SNX27: variants seen among roughly 807,000 people sequenced by gnomAD.
SNX27 encodes sorting nexin-27.
A neutral mutation model predicts 71.6 loss-of-function variants in SNX27; 22 were observed. The observed-to-expected ratio is 0.31, with a 90% CI of 0.22 to 0.44. The LOEUF is 0.44. Ranked by LOEUF, SNX27 falls within the 20% of genes least tolerant of loss-of-function variation. The pLI is 1.00. For synonymous variants in SNX27, 269 were observed against 277.2 expected, an observed-to-expected ratio of 0.97 and a Z score of 0.29; for missense variants, 531 against 698.6, an observed-to-expected ratio of 0.76 and a Z score of 2.70.
Position 151,697,972 on chromosome 1 carries a change from T to G in SNX27, c.*3555T>G, listed in dbSNP as rs575234232. ...GAGAAACCTGTCCCTGCAGAAAGGTTCCCTTGGGCCATGCTTTGGGCCCTC... is the reference window on the plus strand; with the variant it reads ...GAGAAACCTGTCCCTGCAGAAAGGTGCCCTTGGGCCATGCTTTGGGCCCTC... On this transcript the variant is annotated 3_prime_UTR_variant, in exon 12 of 12. Coordinates refer to ENST00000458013, the MANE Select transcript of SNX27 (RefSeq NM_001330723.2). 46 of 152,304 alleles carry G rather than the reference T, an allele frequency of 3.0e-4. 1 individual carries two copies. The highest frequency in any genetic ancestry group is 1.1e-3 in the African/African-American group (46 of 41,552). 9.4% of individuals were successfully genotyped at this position (152,304 alleles called of 1,614,324 possible).
intron 7 of SNX27, among the ~76,000 whole-genome samples, chr1:151,674,272 T>A (rs1425896992): frequency 6.6e-6 from 1 of 152,226 alleles, no homozygotes; most frequent in East Asian, 1.9e-4. Context: ...TCTGTTATTT[T>A]AACCTGGTAA....
chr1:151,634,235 A>G (rs1668373220), intron 1 of SNX27, among the ~76,000 whole-genome samples: 1 of 152,202 alleles, frequency 6.6e-6, no homozygotes, highest in Non-Finnish European at 1.5e-5. Context: ...TTGCAGTTAT[A>G]GGAATTTATT....
intron 5 of SNX27, among the ~76,000 whole-genome samples, chr1:151,663,791 T>C (rs1156339263): frequency 6.6e-6 from 1 of 152,132 alleles, no homozygotes; most frequent in Non-Finnish European, 1.5e-5. Flanking sequence ...AACCAGTAGG[T>C]TTAGGTGGTG....
At chr1:151,617,633 A>C (rs2102591541) in intron 1 of SNX27, among the ~76,000 whole-genome samples, 1 of 152,328 alleles carries the variant, frequency 6.6e-6, no homozygotes, top group African/African-American at 2.4e-5. Flanking sequence ...GTGAGATAGG[A>C]AGATTATAAG....
At chr1:151,663,169 G>A (rs78945670) in intron 5 of SNX27, among the ~76,000 whole-genome samples, 1 of 98,072 alleles carries the variant, frequency 1.0e-5, no homozygotes, top group Non-Finnish European at 2.1e-5. Flanking sequence ...TTTTTTTTTT[G>A]AGACGGAGTC....
At chr1:151,625,135 C>T (rs1667863109) in intron 1 of SNX27, among the ~76,000 whole-genome samples, 1 of 152,170 alleles carries the variant, frequency 6.6e-6, no homozygotes, top group Non-Finnish European at 1.5e-5. Context: ...AGTTTCTCAG[C>T]TTTGCCAGGG....
At chr1:151,625,590 A>G (rs1040752192) in intron 1 of SNX27, among the ~76,000 whole-genome samples, 1 of 151,694 alleles carries the variant, frequency 6.6e-6, no homozygotes, top group Non-Finnish European at 1.5e-5. Context: ...TAATCTGAGC[A>G]CTATGGGAGG....
intron 2 of SNX27, among the ~76,000 whole-genome samples, chr1:151,641,641 A>T (rs1247828487): frequency 2.8e-5 from 3 of 106,786 alleles, no homozygotes; most frequent in African/African-American, 1.0e-4. Flanking sequence ...CATATGTATC[A>T]TATATATATC....
intron 1 of SNX27, among the ~76,000 whole-genome samples, chr1:151,633,929 G>A (rs1196348): frequency 0.93 from 142,063 of 151,996 alleles, 66,940 homozygotes; most frequent in Non-Finnish European, 0.99. Flanking sequence ...ATAAAGCTGC[G>A]GTGGACATTC....
At chr1:151,692,405 C>CA (rs1558078028) in intron 8 of SNX27, 30 bp from the exon 9 acceptor site, 4 of 1,261,140 alleles carry the variant, frequency 3.2e-6, no homozygotes, top group Non-Finnish European at 3.2e-6. Flanking sequence ...GTTTCTCCTT[C>CA]CTTTTTTTTT....
chr1:151,680,152 CT>C (rs11341406), intron 7 of SNX27: 43,661 of 128,234 alleles, frequency 0.34, 5,933 homozygotes, highest in African/African-American at 0.46. Context: ...GCAGTGTAAT[CT>C]TTTTTTTTTT....
intron 5 of SNX27, among the ~76,000 whole-genome samples, chr1:151,665,588 G>A (rs1239056117): frequency 6.6e-6 from 1 of 152,182 alleles, no homozygotes; most frequent in Non-Finnish European, 1.5e-5. Context: ...TACATTTCTT[G>A]TAAGTGGTGT....
At chr1:151,675,987 C>T (rs1005109880) in intron 7 of SNX27, 6 of 150,664 alleles carry the variant, frequency 4.0e-5, no homozygotes, top group African/African-American at 1.5e-4. Context: ...CCACCAGGTC[C>T]AGCTAATTTT....
chr1:151,683,545 C>T (rs1205076688), intron 8 of SNX27, 100 bp downstream of exon 8: 1 of 795,842 alleles, frequency 1.3e-6, no homozygotes, highest in Admixed American at 3.1e-5. Context: ...TGGTTAGTGG[C>T]TTAACTAATT....
chr1:151,681,486 C>T (rs775788786), intron 7 of SNX27, among the ~76,000 whole-genome samples: 2 of 152,026 alleles, frequency 1.3e-5, no homozygotes, highest in African/African-American at 2.4e-5. Context: ...TCGTGATCCA[C>T]CCGCCTTGGC....
rs1262695548 is a variant in SNX27 at position 151,693,404 on chromosome 1, G to A, written c.1519-20G>A. ...GCCTGCTCTTGAGAAGTTAGTGAGT[G>A]TCACCACCTTTTTTTTCAGTTCAAT... is the stretch of plus-strand genomic sequence containing the variant. On this transcript the variant is annotated intron_variant, in intron 10 of 11. Transcript: ENST00000458013. The A allele has an allele frequency of 6.2e-7, 1 of 1,613,608 alleles. No individual in the cohort carries two copies. The highest frequency in any genetic ancestry group is 8.5e-7 in the Non-Finnish European group (1 of 1,179,508).
chr1:151,678,106 C>T (rs1457602024), intron 7 of SNX27: 1 of 152,094 alleles, frequency 6.6e-6, no homozygotes, highest in African/African-American at 2.4e-5. Flanking sequence ...TCATAGCTCA[C>T]CATAATCTTG....
intron 1 of SNX27, among the ~76,000 whole-genome samples, chr1:151,637,116 C>T (rs1668491299): frequency 6.7e-6 from 1 of 150,212 alleles, no homozygotes; most frequent in East Asian, 1.9e-4. Flanking sequence ...ATTTTCTTTC[C>T]ATTTTACCAT....
In SNX27 at chr1:151,612,536, C is replaced by T; in HGVS notation, c.311+24C>T. ...GTGTGAGTATCGGGGCTACCCGCCGCCCCATCCTCCCCGCGCCCCTCCTGC... is the reference window on the plus strand; with the variant it reads ...GTGTGAGTATCGGGGCTACCCGCCGTCCCATCCTCCCCGCGCCCCTCCTGC... On this transcript the variant is annotated intron_variant, in intron 1 of 11. Transcript: ENST00000458013. The surrounding 1 kb of genome is among the most constrained non-coding windows in gnomAD (Gnocchi z 5.2). 7.5e-7 allele frequency: 1 copy of T among 1,325,566 alleles called. No homozygotes were observed. Among genetic ancestry groups the T allele is most frequent in the Admixed American group, 4.1e-5 (1 of 24,296 alleles). The allele number at this position is 1,325,566 out of a possible 1,614,324, so 82.1% of individuals were successfully genotyped here.
Sources: allele counts gnomAD v4.1 joint callset (sites outside exome capture counted in the v4.1 genomes callset), GRCh38; gene constraint gnomAD v4.1.1; non-coding constraint Gnocchi (gnomAD v3.1); transcripts MANE v1.5; gene names NCBI Gene and HGNC (gene_info 2026-07-23, HGNC 2026-07-21).